OLA1: variants seen among roughly 807,000 people sequenced by gnomAD.
OLA1 encodes obg-like ATPase 1.
In OLA1, 14 loss-of-function variants were observed where a neutral mutation model predicts 48.4. The ratio of observed to expected loss-of-function variants is 0.29; its 90% confidence interval spans 0.19 to 0.45. The LOEUF (loss-of-function observed/expected upper bound fraction) is 0.45, where lower values mean the gene tolerates loss of function less well. Ranked by LOEUF, OLA1 falls within the 20% of genes least tolerant of loss-of-function variation. OLA1 has a pLI of 1.00. For synonymous variants in OLA1, 127 were observed against 150.4 expected (o/e 0.84, Z 1.14); for missense variants, 325 against 467.1 (o/e 0.70, Z 2.80).
rs1398952605 is a variant in OLA1 at position 174,246,742 on chromosome 2, A to T, written c.74T>A (p.Ile25Asn). Residue 25 changes from isoleucine to asparagine, a missense_variant, in exon 2 of 11, where the codon ATT becomes AAT. Physicochemically the swap from Ile to Asn is moderately radical, Grantham distance 149 (BLOSUM62 -3). Coordinates refer to ENST00000284719, the MANE Select transcript of OLA1 (RefSeq NM_013341.5). ...AACATTTGGCAATCCAACAATACCA[A>T]TTTTCAGTGAGGTTCCAAATCTTCC... Reference protein sequence around the residue: ...IIGRFGTSLKIGIVGLPNVGK... With the variant: ...IIGRFGTSLKNGIVGLPNVGK... 6.2e-7 allele frequency: 1 copy of T among 1,611,212 alleles called. No homozygotes were observed. Among genetic ancestry groups the T allele is most frequent in the African/African-American group, 1.3e-5 (1 of 74,814 alleles).
intron 4 of OLA1, among the ~76,000 whole-genome samples, chr2:174,198,865 GTAT>G (rs1317418168): frequency 6.6e-6 from 1 of 152,044 alleles, no homozygotes; most frequent in Non-Finnish European, 1.5e-5. Flanking sequence ...CTTTTTCACT[GTAT>G]TGACATCAGC....
At chr2:174,146,033 G>A (rs1686589336) in intron 4 of OLA1, among the ~76,000 whole-genome samples, 1 of 152,226 alleles carries the variant, frequency 6.6e-6, no homozygotes, top group South Asian at 2.1e-4. Context: ...GAGGGAGGCA[G>A]TAATGTGAGG....
At chr2:174,145,090 G>C (rs956820203) in intron 4 of OLA1, among the ~76,000 whole-genome samples, 3 of 148,858 alleles carry the variant, frequency 2.0e-5, no homozygotes, top group African/African-American at 7.4e-5. Context: ...TTAAAATGAG[G>C]ATGCTTCTAC....
chr2:174,167,569 T>G (rs1245831511), intron 4 of OLA1, among the ~76,000 whole-genome samples: 1 of 152,124 alleles, frequency 6.6e-6, no homozygotes, highest in Non-Finnish European at 1.5e-5. Context: ...AGAGCAAAAC[T>G]TCATCCAAAA....
At chr2:174,156,042 G>A (rs1176151213) in intron 4 of OLA1, among the ~76,000 whole-genome samples, 1 of 152,134 alleles carries the variant, frequency 6.6e-6, no homozygotes, top group African/African-American at 2.4e-5. Flanking sequence ...TACCTCCTAA[G>A]ACTGTCCTGA....
At chr2:174,128,020 C>T (rs1331100652) in intron 5 of OLA1, among the ~76,000 whole-genome samples, 1 of 151,506 alleles carries the variant, frequency 6.6e-6, no homozygotes, top group African/African-American at 2.4e-5. Context: ...ACTTGTCCTA[C>T]TAGATATTAA....
At chr2:174,157,434 T>TA (rs1361615718) in intron 4 of OLA1, among the ~76,000 whole-genome samples, 1 of 152,198 alleles carries the variant, frequency 6.6e-6, no homozygotes, top group Non-Finnish European at 1.5e-5. Context: ...GCACTGGTGT[T>TA]ATGTAGATGC....
At chr2:174,203,172 T>G (rs1232410067) in intron 4 of OLA1, among the ~76,000 whole-genome samples, 1 of 152,182 alleles carries the variant, frequency 6.6e-6, no homozygotes, top group Admixed American at 6.5e-5. Flanking sequence ...AACCTTCTAT[T>G]TGCAAGTAAA....
intron 4 of OLA1, among the ~76,000 whole-genome samples, chr2:174,190,488 C>T (rs764849876): frequency 2.6e-5 from 4 of 151,726 alleles, no homozygotes; most frequent in Non-Finnish European, 5.9e-5. Context: ...AATACACAGA[C>T]CTATTTCCAA....
rs1406379195 is a variant in OLA1 at position 174,167,816 on chromosome 2, T to C, written c.374-25816A>G. The stretch of plus-strand genomic sequence containing the variant: ...CATGCTATCACTATAGGAAGTAAAG[T>C]ACTGGTACATAAAACTGATAAGAAG... On this transcript the variant is annotated intron_variant, in intron 4 of 10. Coordinates refer to ENST00000284719, the MANE Select transcript of OLA1 (RefSeq NM_013341.5). 7.9e-5 allele frequency among the ~76,000 whole-genome samples: 12 copies of C among 152,202 alleles called. 1 individual carries two copies. The highest frequency in any genetic ancestry group is 2.9e-5 in the Non-Finnish European group (2 of 68,032).
At chr2:174,142,113 C>A in intron 4 of OLA1, 113 bp from the exon 5 acceptor site, 1 of 960,856 alleles carries the variant, frequency 1.0e-6, no homozygotes, top group Non-Finnish European at 1.5e-6. Context: ...ATAAATTACT[C>A]TGGCTTCTTG....
chr2:174,131,555 G>A (rs948504710), intron 5 of OLA1, among the ~76,000 whole-genome samples: 11 of 152,082 alleles, frequency 7.2e-5, no homozygotes, highest in African/African-American at 2.7e-4. Flanking sequence ...AAAAGCAGAT[G>A]TACTAATTTA....
chr2:174,111,695 A>G (rs1348348344), intron 7 of OLA1, among the ~76,000 whole-genome samples: 1 of 152,226 alleles, frequency 6.6e-6, no homozygotes, highest in Non-Finnish European at 1.5e-5. Flanking sequence ...CAGCTAATAA[A>G]GGAGATATGT....
At chr2:174,077,656 C>G (rs72920508) in intron 10 of OLA1, among the ~76,000 whole-genome samples, 7 of 152,032 alleles carry the variant, frequency 4.6e-5, no homozygotes, top group Non-Finnish European at 1.0e-4. Flanking sequence ...TAAAGTTTCT[C>G]TCAATTGTTA....
chr2:174,164,758 C>T (rs937980168), intron 4 of OLA1, among the ~76,000 whole-genome samples: 2 of 152,170 alleles, frequency 1.3e-5, no homozygotes, highest in African/African-American at 4.8e-5. Context: ...AGCTCCCCAA[C>T]TACTGCTTAG....
chr2:174,099,112 G>A (rs1685323262), intron 7 of OLA1, among the ~76,000 whole-genome samples: 2 of 152,098 alleles, frequency 1.3e-5, no homozygotes, highest in South Asian at 4.2e-4. Context: ...ATAGATTTGA[G>A]GTAAACCAGT....
At chr2:174,117,942 G>C (rs1169861954) in intron 7 of OLA1, among the ~76,000 whole-genome samples, 1 of 152,104 alleles carries the variant, frequency 6.6e-6, no homozygotes, top group African/African-American at 2.4e-5. Flanking sequence ...AAATACCTGA[G>C]ACTGGGTAAT....
intron 4 of OLA1, among the ~76,000 whole-genome samples, chr2:174,176,486 T>G (rs1687421408): frequency 1.3e-5 from 2 of 152,144 alleles, no homozygotes; most frequent in Admixed American, 1.3e-4. Flanking sequence ...GTCACAAATA[T>G]GCATAATAAA....
chr2:174,186,721 T>C (rs1278464263), intron 4 of OLA1, among the ~76,000 whole-genome samples: 1 of 151,956 alleles, frequency 6.6e-6, no homozygotes, highest in Non-Finnish European at 1.5e-5. Context: ...TCGAAAATGT[T>C]GGAAAAAAGG....
Sources: gnomAD v4.1 joint callset for allele counts (sites outside exome capture counted in the v4.1 genomes callset) on GRCh38, gnomAD v4.1.1 for gene constraint, MANE v1.5 for transcripts, NCBI Gene and HGNC (gene_info 2026-07-23, HGNC 2026-07-21) for gene names.